ABCB11: variants seen among roughly 807,000 people sequenced by gnomAD.
ABCB11 encodes ATP binding cassette subfamily B member 11, also known as bile salt export pump.
In ABCB11, 95 loss-of-function variants were observed where a neutral mutation model predicts 148.0. The ratio of observed to expected loss-of-function variants is 0.64; its 90% confidence interval spans 0.54 to 0.76. The LOEUF (loss-of-function observed/expected upper bound fraction) is 0.76, where lower values mean the gene tolerates loss of function less well. ABCB11 is among the 30% of genes least tolerant of loss of function. The probability of loss-of-function intolerance (pLI) is 0.00; values close to 1 mark genes in which losing one functional copy is unlikely to be tolerated. For synonymous variants in ABCB11, 591 were observed against 555.4 expected (o/e 1.06, Z -0.90); for missense variants, 1,523 against 1,617.8 (o/e 0.94, Z 1.01).
At chr2:169,013,228 G>C (rs1437151217) in intron 5 of ABCB11, 44 bp downstream of exon 5, 2 of 1,442,978 alleles carry the variant, frequency 1.4e-6, no homozygotes, top group Admixed American at 3.7e-5. Context: ...TACAATTTAA[G>C]ATATGAGCAA....
downstream of ABCB11, among the ~76,000 whole-genome samples, chr2:168,920,118 G>A (rs961236952): frequency 2.6e-4 from 40 of 152,050 alleles, no homozygotes; most frequent in African/African-American, 8.9e-4. Flanking sequence ...CTCTTGCCTC[G>A]GCCTCCTAAA....
chr2:168,924,662 C>A lies in ABCB11; in HGVS notation c.3760G>T (p.Glu1254Ter). ...EATSALDTES[E>*]KTVQVALDKA... is the part of the protein sequence containing the mutation. ...TTTAGAAATTCAACACTTACCTTTT[C>A]ACTTTCTGTGTCTAAGGCAGAAGTG... Residue 1254 changes from glutamate to a stop codon, truncating the protein, a stop_gained, in exon 27 of 28, where the codon GAA (glutamate) becomes TAA (stop). Coordinates refer to ENST00000650372, the MANE Select transcript of ABCB11 (RefSeq NM_003742.4). LOFTEE classifies it high-confidence loss of function. 1 of 1,613,226 alleles carries A rather than the reference C, an allele frequency of 6.2e-7. No individual in the cohort carries two copies. Among genetic ancestry groups the A allele is most frequent in the Non-Finnish European group, 8.5e-7 (1 of 1,179,672 alleles).
chr2:168,996,641 A>G lies in ABCB11; in HGVS notation c.471T>C (p.Tyr157=). Residue 157 remains tyrosine, a synonymous_variant, in exon 6 of 28, where the codon TAT becomes TAC. Transcript: ENST00000650372. The part of the protein sequence containing the change: ...GIAVAVLITG[Y]IQICFWVIAA... The stretch of plus-strand genomic sequence containing the variant: ...ATACGGAGGAGCTACTAACTTGAAT[A>G]TATCCTGTGATAAGTACTGCGACAG... The G allele has an allele frequency of 6.6e-7, 1 of 1,521,818 alleles. No homozygotes were observed. The highest frequency in any genetic ancestry group is 8.9e-7 in the Non-Finnish European group (1 of 1,125,780). The allele number at this position is 1,521,818 out of a possible 1,614,324, so 94.3% of individuals were successfully genotyped here.
chr2:168,995,606 C>T (rs905132602), intron 6 of ABCB11, 124 bp from the exon 7 acceptor site: 90 of 1,055,968 alleles, frequency 8.5e-5, no homozygotes, highest in Middle Eastern at 6.1e-4. Context: ...CAGAAAATGC[C>T]TCTTCTTGGG....
At chr2:168,989,691 C>G (rs1313516618) in intron 9 of ABCB11, among the ~76,000 whole-genome samples, 1 of 151,986 alleles carries the variant, frequency 6.6e-6, no homozygotes, top group Non-Finnish European at 1.5e-5. Context: ...TGTTCCTGAT[C>G]TTAGGGGGAA....
chr2:168,977,045 GTTA>G (rs1693938478), intron 11 of ABCB11, among the ~76,000 whole-genome samples: 1 of 147,734 alleles, frequency 6.8e-6, no homozygotes, highest in South Asian at 2.1e-4. Flanking sequence ...TTATTTAATT[GTTA>G]TTATTTATCA....
Position 168,923,711 on chromosome 2 carries a change from C to A in ABCB11, c.3877G>T (p.Val1293Leu). The change falls in exon 28 of 28, where the codon GTG (valine) becomes TTG (leucine). Residue 1293 changes from valine to leucine, a missense_variant. Coordinates refer to ENST00000650372, the MANE Select transcript of ABCB11 (RefSeq NM_003742.4). ...ADIIAVMAQG[V>L]VIEKGTHEEL... is the part of the protein sequence containing the mutation. ...TCATGGGTCCCCTTTTCAATCACCA[C>A]CCCCTGTGCCATGACAGCAATGATA... The A allele has an allele frequency of 6.2e-7, 1 of 1,613,786 alleles. No individual in the cohort carries two copies. Among genetic ancestry groups the A allele is most frequent in the Non-Finnish European group, 8.5e-7 (1 of 1,179,848 alleles).
intron 12 of ABCB11, among the ~76,000 whole-genome samples, chr2:168,974,660 A>G (rs1360860469): frequency 6.6e-6 from 1 of 152,008 alleles, no homozygotes; most frequent in African/African-American, 2.4e-5. Flanking sequence ...ACAGAGGGTT[A>G]AAAACATACT....
intron 24 of ABCB11, among the ~76,000 whole-genome samples, chr2:168,932,090 G>T (rs1691592522): frequency 6.6e-6 from 1 of 152,016 alleles, no homozygotes; most frequent in African/African-American, 2.4e-5. Context: ...ACGTGTCATG[G>T]TGGTTTGCTG....
rs371965391 is a variant in ABCB11 at position 169,013,426 on chromosome 2, C to T, written c.235G>A (p.Val79Met). The change falls in exon 5 of 28, where the codon GTG (valine) becomes ATG (methionine). Residue 79 changes from valine to methionine, a missense_variant. Physicochemically the swap from Val to Met is conservative, Grantham distance 21 (BLOSUM62 1). Coordinates refer to ENST00000650372, the MANE Select transcript of ABCB11 (RefSeq NM_003742.4). The stretch of plus-strand genomic sequence containing the variant: ...GTCATTGTGCCAAAAATGAGTAGCA[C>T]GCCTGGCTGGGCTATTCCATGGAGA... ...AFLHGIAQPG[V>M]LLIFGTMTDV... The T allele has an allele frequency of 6.8e-5, 110 of 1,613,778 alleles. No homozygotes were observed. The highest frequency in any genetic ancestry group is 2.4e-4 in the African/African-American group (18 of 75,016).
At chr2:168,964,987 T>G (rs1341222276) in intron 17 of ABCB11, among the ~76,000 whole-genome samples, 1 of 151,790 alleles carries the variant, frequency 6.6e-6, no homozygotes, top group African/African-American at 2.4e-5. Context: ...TTCAAAAAAT[T>G]TAAACCTTAT....
At chr2:169,005,523 A>G (rs1223308446) in intron 5 of ABCB11, among the ~76,000 whole-genome samples, 1 of 152,132 alleles carries the variant, frequency 6.6e-6, no homozygotes, top group Non-Finnish European at 1.5e-5. Context: ...CTCAGCCCGC[A>G]GTACTAGAGG....
intron 23 of ABCB11, among the ~76,000 whole-genome samples, chr2:168,934,137 C>A (rs1172127610): frequency 6.6e-6 from 1 of 151,960 alleles, no homozygotes; most frequent in South Asian, 2.1e-4. Context: ...ATTCTAAAAC[C>A]TTAATATAAA....
At chr2:168,973,971 A>G in intron 12 of ABCB11, 131 bp from the exon 13 acceptor site, 1 of 995,936 alleles carries the variant, frequency 1.0e-6, no homozygotes, top group Non-Finnish European at 1.4e-6. Flanking sequence ...CCCCAAAGCA[A>G]CGTCCACTGA....
chr2:168,955,905 C>A (rs1365668416), intron 19 of ABCB11, among the ~76,000 whole-genome samples: 1 of 151,656 alleles, frequency 6.6e-6, no homozygotes, highest in Non-Finnish European at 1.5e-5. Context: ...GTGCTCCAGG[C>A]CACATGCAGG....
Position 168,923,163 on chromosome 2 carries a change from C to T in ABCB11, c.*459G>A. On this transcript the variant is annotated 3_prime_UTR_variant, in exon 28 of 28. Transcript: ENST00000650372. ...TCCTTCTGTTCTTTTCAAATCTGAC[C>T]TTGGTCTAGCTCAAGAAACGTTTGT... 6.2e-6 allele frequency: 1 copy of T among 161,470 alleles called. No individual in the cohort carries two copies. Among genetic ancestry groups the T allele is most frequent in the Non-Finnish European group, 1.4e-5 (1 of 73,646 alleles). The allele number at this position is 161,470 out of a possible 1,614,324, so 10.0% of individuals were successfully genotyped here. A position where few individuals can be genotyped will look rare whatever the true frequency, so the allele number is the denominator to read the frequency against.
chr2:168,939,427 C>T (rs1397311142), intron 21 of ABCB11, among the ~76,000 whole-genome samples: 1 of 152,036 alleles, frequency 6.6e-6, no homozygotes, highest in African/African-American at 2.4e-5. Flanking sequence ...ATTCCCCATC[C>T]TCATGAATAT....
intron 1 of ABCB11, among the ~76,000 whole-genome samples, chr2:169,029,005 T>G (rs1376379668): frequency 6.6e-6 from 1 of 152,128 alleles, no homozygotes. Context: ...TCAAAGCCAT[T>G]GAGGAGCTGA....
chr2:168,990,776 A>C (rs1694488164), intron 9 of ABCB11, 25 bp downstream of exon 9: 1 of 1,611,640 alleles, frequency 6.2e-7, no homozygotes, highest in African/African-American at 1.3e-5. Context: ...AAATTAAGGA[A>C]AGAATCAGAT....
Sources: gnomAD v4.1 joint callset for allele counts (sites outside exome capture counted in the v4.1 genomes callset) on GRCh38, gnomAD v4.1.1 for gene constraint, MANE v1.5 for transcripts, NCBI Gene and HGNC (gene_info 2026-07-23, HGNC 2026-07-21) for gene names.